Variants in SGCZ observed in about 807,000 individuals in gnomAD.
SGCZ encodes the protein sarcoglycan zeta, also known as zeta-sarcoglycan.
In SGCZ, 40 loss-of-function variants were observed where a neutral mutation model predicts 41.3. The ratio of observed to expected loss-of-function variants is 0.97; its 90% confidence interval spans 0.75 to 1.26. The LOEUF (loss-of-function observed/expected upper bound fraction) is 1.26. Among genes scored for constraint, SGCZ ranks in the 50% most tolerant of loss-of-function variants. The pLI is 0.00. For missense variants in SGCZ, 552 were observed against 369.8 expected, an observed-to-expected ratio of 1.49 and a Z score of -4.04; for synonymous variants, 206 against 137.5, an observed-to-expected ratio of 1.50 and a Z score of -3.49.
intron 1 of SGCZ, among the ~76,000 whole-genome samples, chr8:14,645,744 A>T (rs1006630935): frequency 1.3e-5 from 2 of 151,438 alleles, no homozygotes; most frequent in African/African-American, 4.8e-5. Context: ...AATATTGTAA[A>T]TTTTTACGTA....
At chr8:15,008,576 A>AGG (rs1802697076) in intron 1 of SGCZ, among the ~76,000 whole-genome samples, 1 of 2,026 alleles carries the variant, frequency 4.9e-4, no homozygotes, top group Non-Finnish European at 8.8e-4. Context: ...AGGGAGGGGG[A>AGG]GGGGGAGGGG....
At chr8:14,457,712 CCT>C (rs760482858) in intron 2 of SGCZ, among the ~76,000 whole-genome samples, 1 of 152,206 alleles carries the variant, frequency 6.6e-6, no homozygotes, top group Non-Finnish European at 1.5e-5. Context: ...GTCTCCTCTC[CCT>C]CTCTGCCTCG....
chr8:15,004,402 C>A (rs1269704953), intron 1 of SGCZ, among the ~76,000 whole-genome samples: 1 of 151,990 alleles, frequency 6.6e-6, no homozygotes, highest in East Asian at 1.9e-4. Flanking sequence ...GGCAGGGACT[C>A]AAGGCAGAAG....
chr8:14,680,499 C>G (rs1427243994), intron 1 of SGCZ, among the ~76,000 whole-genome samples: 1 of 152,002 alleles, frequency 6.6e-6, no homozygotes, highest in Non-Finnish European at 1.5e-5. Flanking sequence ...GAACTAAATA[C>G]TGTTCTAAAA....
intron 1 of SGCZ, among the ~76,000 whole-genome samples, chr8:14,803,279 C>A (rs1801388997): frequency 6.6e-6 from 1 of 152,152 alleles, no homozygotes; most frequent in South Asian, 2.1e-4. Context: ...GTGAGCGACG[C>A]AGAAGACGGG....
intron 1 of SGCZ, among the ~76,000 whole-genome samples, chr8:14,742,649 T>C (rs1353083523): frequency 6.6e-6 from 1 of 152,092 alleles, no homozygotes; most frequent in African/African-American, 2.4e-5. Context: ...TATTCATCCT[T>C]AGCAAAAATT....
At chr8:14,346,095 A>G (rs1190901820) in intron 2 of SGCZ, among the ~76,000 whole-genome samples, 1 of 152,124 alleles carries the variant, frequency 6.6e-6, no homozygotes, top group Non-Finnish European at 1.5e-5. Flanking sequence ...GTTAATAATT[A>G]TATGTCAATA....
intron 1 of SGCZ, among the ~76,000 whole-genome samples, chr8:15,171,497 C>A (rs1393267081): frequency 2.0e-5 from 3 of 152,214 alleles, no homozygotes; most frequent in Non-Finnish European, 4.4e-5. Context: ...CCTTCAGAGT[C>A]CCTGTGCTCT....
At chr8:14,962,825 A>G (rs1204896759) in intron 1 of SGCZ, among the ~76,000 whole-genome samples, 1 of 152,202 alleles carries the variant, frequency 6.6e-6, no homozygotes, top group East Asian at 1.9e-4. Context: ...GATATGCAGA[A>G]CAAGGGAGCT....
At chr8:15,211,509 T>G (rs1446795083) in intron 1 of SGCZ, among the ~76,000 whole-genome samples, 1 of 152,126 alleles carries the variant, frequency 6.6e-6, no homozygotes, top group Non-Finnish European at 1.5e-5. Context: ...AAGACCTGCC[T>G]CCAATGCAAC....
intron 2 of SGCZ, among the ~76,000 whole-genome samples, chr8:14,453,653 C>A (rs1475694767): frequency 6.6e-6 from 1 of 152,166 alleles, no homozygotes; most frequent in Non-Finnish European, 1.5e-5. Context: ...GCTTTACATT[C>A]TTAGTCAAAA....
At chr8:14,140,024 G>A (rs550920907) in intron 5 of SGCZ, among the ~76,000 whole-genome samples, 61 of 152,078 alleles carry the variant, frequency 4.0e-4, no homozygotes, top group African/African-American at 1.4e-3. Context: ...TGCAAGGCTG[G>A]TTCAACATAT....
In SGCZ at chr8:14,366,843, C is replaced by T. The variant is rs144949667; in HGVS notation, c.235-42639G>A. 9.1e-3 allele frequency among the ~76,000 whole-genome samples: 1,381 copies of T among 152,210 alleles called. 15 individuals are homozygous for T. The highest frequency in any genetic ancestry group is 0.02 in the South Asian group (97 of 4,828). On this transcript the variant is annotated intron_variant, in intron 2 of 7. Transcript: ENST00000382080. ...ATACAATGAGGATAAAGGCACAAAA[C>T]CTTTTTTCCCTCCTAGGCCTCTGGG...
intron 4 of SGCZ, among the ~76,000 whole-genome samples, chr8:14,208,889 GT>G (rs1423431860): frequency 6.6e-6 from 1 of 152,110 alleles, no homozygotes; most frequent in African/African-American, 2.4e-5. Context: ...ACTCAGTAAG[GT>G]TTTCCTTTTA....
intron 2 of SGCZ, among the ~76,000 whole-genome samples, chr8:14,352,026 C>A (rs1337766367): frequency 1.3e-5 from 2 of 151,970 alleles, no homozygotes; most frequent in Non-Finnish European, 2.9e-5. Context: ...TAGCACGGTA[C>A]CTTATTTATA....
At chr8:15,228,637 T>C (rs1158648880) in intron 1 of SGCZ, among the ~76,000 whole-genome samples, 1 of 152,154 alleles carries the variant, frequency 6.6e-6, no homozygotes, top group African/African-American at 2.4e-5. Flanking sequence ...GATTTAGAAA[T>C]ACAGGTGATG....
intron 1 of SGCZ, among the ~76,000 whole-genome samples, chr8:14,609,835 A>AG (rs1395443448): frequency 6.6e-6 from 1 of 152,202 alleles, no homozygotes; most frequent in Non-Finnish European, 1.5e-5. Flanking sequence ...AGAAAAAAAA[A>AG]CAGCAGGCTA....
intron 2 of SGCZ, among the ~76,000 whole-genome samples, chr8:14,541,708 C>T (rs1372979836): frequency 6.6e-6 from 1 of 152,156 alleles, no homozygotes; most frequent in African/African-American, 2.4e-5. Context: ...AATTGCCACA[C>T]TGTCTTCCAC....
chr8:14,922,657 A>G (rs1233741856), intron 1 of SGCZ, among the ~76,000 whole-genome samples: 3 of 152,192 alleles, frequency 2.0e-5, no homozygotes, highest in African/African-American at 7.2e-5. Context: ...AAAAACACTT[A>G]CAAATGAAAT....
Sources: allele counts gnomAD v4.1 joint callset (sites outside exome capture counted in the v4.1 genomes callset), GRCh38; gene constraint gnomAD v4.1.1; transcripts MANE v1.5; gene names NCBI Gene and HGNC (gene_info 2026-07-23, HGNC 2026-07-21).